The following DNER variants were observed in gnomAD, a reference collection of about 807,000 sequenced individuals.
DNER encodes delta/notch like EGF repeat containing.
In DNER, 33 loss-of-function variants were observed where a neutral mutation model predicts 78.2. That is an observed-to-expected ratio of 0.42 (90% CI 0.32 to 0.56). The LOEUF (loss-of-function observed/expected upper bound fraction) is 0.56. Ranked by LOEUF, DNER falls within the 20% of genes least tolerant of loss-of-function variation. The pLI, the probability that DNER is intolerant of heterozygous loss-of-function variation, is 0.11. For synonymous variants in DNER, 417 were observed against 384.8 expected, an observed-to-expected ratio of 1.08 and a Z score of -0.98; for missense variants, 918 against 975.3, an observed-to-expected ratio of 0.94 and a Z score of 0.78.
intron 1 of DNER, among the ~76,000 whole-genome samples, chr2:229,684,159 A>AGT: frequency 7.3e-6 from 1 of 136,086 alleles, no homozygotes; most frequent in African/African-American, 2.9e-5. Context: ...AGAGAGAGAG[A>AGT]GAGAGAGAGA....
intron 7 of DNER, among the ~76,000 whole-genome samples, chr2:229,456,419 C>T (rs1329750436): frequency 6.6e-6 from 1 of 151,490 alleles, no homozygotes; most frequent in Non-Finnish European, 1.5e-5. Flanking sequence ...ATCTAAACCA[C>T]ACCAAGCAGA....
chr2:229,562,415 T>A (rs1187755552), intron 4 of DNER, among the ~76,000 whole-genome samples: 3 of 152,176 alleles, frequency 2.0e-5, no homozygotes, highest in Non-Finnish European at 4.4e-5. Flanking sequence ...CTAATGTCAT[T>A]CCTCTGATTA....
intron 10 of DNER, among the ~76,000 whole-genome samples, chr2:229,398,399 T>A (rs1283886001): frequency 2.6e-5 from 4 of 152,146 alleles, no homozygotes; most frequent in Non-Finnish European, 5.9e-5. Context: ...ATGCTTTCAC[T>A]GGTAAATTCT....
intron 11 of DNER, among the ~76,000 whole-genome samples, chr2:229,384,889 A>G (rs1452195984): frequency 6.6e-6 from 1 of 151,940 alleles, no homozygotes; most frequent in Non-Finnish European, 1.5e-5. Context: ...GAAAAGAGGG[A>G]CTCCTTCCCA....
chr2:229,691,450 C>T (rs150893253), intron 1 of DNER, among the ~76,000 whole-genome samples: 3 of 151,962 alleles, frequency 2.0e-5, no homozygotes, highest in East Asian at 3.9e-4. Flanking sequence ...TGTTCTGAGA[C>T]GTGAGATTTA....
At chr2:229,645,014 TA>T (rs1698690200) in intron 1 of DNER, among the ~76,000 whole-genome samples, 1 of 150,444 alleles carries the variant, frequency 6.6e-6, no homozygotes. Context: ...GTGCCTTTAG[TA>T]GAAAAAAAAA....
chr2:229,625,000 C>A (rs961996306), intron 1 of DNER, among the ~76,000 whole-genome samples: 1 of 152,032 alleles, frequency 6.6e-6, no homozygotes, highest in Non-Finnish European at 1.5e-5. Context: ...GTGAGGAATT[C>A]GCTATTATTT....
At chr2:229,383,428 T>C (rs1692790925) in intron 11 of DNER, among the ~76,000 whole-genome samples, 1 of 152,296 alleles carries the variant, frequency 6.6e-6, no homozygotes, top group South Asian at 2.1e-4. Context: ...ACCTTAAATG[T>C]AAATGGGCTA....
chr2:229,600,429 G>T (rs939314422), intron 1 of DNER, among the ~76,000 whole-genome samples: 9 of 152,118 alleles, frequency 5.9e-5, no homozygotes, highest in Admixed American at 6.5e-5. Flanking sequence ...CACCTGGAAA[G>T]ACTTCAAAAA....
chr2:229,436,332 T>A (rs1223841753), intron 8 of DNER, among the ~76,000 whole-genome samples: 1 of 152,216 alleles, frequency 6.6e-6, no homozygotes, highest in Admixed American at 6.5e-5. Context: ...TACCACTTTT[T>A]AAAAATCCAG....
intron 9 of DNER, among the ~76,000 whole-genome samples, chr2:229,412,488 A>G (rs1205277241): frequency 6.6e-6 from 1 of 152,230 alleles, no homozygotes; most frequent in Non-Finnish European, 1.5e-5. Flanking sequence ...GATTTAGTAT[A>G]GGGAAGAAGA....
At chr2:229,592,537 G>A (rs1178251916) in intron 1 of DNER, among the ~76,000 whole-genome samples, 1 of 152,188 alleles carries the variant, frequency 6.6e-6, no homozygotes, top group African/African-American at 2.4e-5. Context: ...GGTGATTAGA[G>A]AGAAATGTGA....
intron 1 of DNER, among the ~76,000 whole-genome samples, chr2:229,693,544 G>C (rs931396990): frequency 3.3e-5 from 5 of 152,108 alleles, no homozygotes; most frequent in Non-Finnish European, 7.4e-5. Context: ...AAGTGGCTTT[G>C]ACTAAAATGA....
intron 12 of DNER, among the ~76,000 whole-genome samples, chr2:229,359,497 G>T (rs535157622): frequency 6.6e-6 from 1 of 152,180 alleles, no homozygotes; most frequent in Admixed American, 6.5e-5. Flanking sequence ...GGATTCAAAC[G>T]ATCTTCCACA....
At chr2:229,512,739 T>C in intron 6 of DNER, 44 bp downstream of exon 6, 9 of 1,608,924 alleles carry the variant, frequency 5.6e-6, no homozygotes, top group Non-Finnish European at 7.7e-6. Context: ...GTGCATGCTG[T>C]ACAGACATAC....
intron 6 of DNER, among the ~76,000 whole-genome samples, chr2:229,503,224 G>A (rs547487137): frequency 1.3e-5 from 2 of 152,276 alleles, no homozygotes; most frequent in Admixed American, 6.5e-5. Flanking sequence ...CTGGGGCTAA[G>A]AGTGAATACG....
chr2:229,612,708 A>G (rs932182069), intron 1 of DNER, among the ~76,000 whole-genome samples: 2 of 152,184 alleles, frequency 1.3e-5, no homozygotes, highest in Non-Finnish European at 2.9e-5. Flanking sequence ...GCTTTGACCA[A>G]TAGTAGGCAC....
intron 7 of DNER, among the ~76,000 whole-genome samples, chr2:229,454,501 A>G (rs1445071382): frequency 6.6e-6 from 1 of 152,182 alleles, no homozygotes; most frequent in Non-Finnish European, 1.5e-5. Context: ...GCTTTTTCTT[A>G]TCAATTCAGG....
At chr2:229,426,899 G>C (rs1693890790) in intron 8 of DNER, among the ~76,000 whole-genome samples, 1 of 152,206 alleles carries the variant, frequency 6.6e-6, no homozygotes, top group Admixed American at 6.5e-5. Context: ...TGTGAACATG[G>C]AGGAAGTTGT....
Sources: gnomAD v4.1 joint callset for allele counts (sites outside exome capture counted in the v4.1 genomes callset) on GRCh38, gnomAD v4.1.1 for gene constraint, MANE v1.5 for transcripts, NCBI Gene and HGNC (gene_info 2026-07-23, HGNC 2026-07-21) for gene names.